The following KMO variants were observed in gnomAD, a reference collection of about 807,000 sequenced individuals.
The protein encoded by KMO is kynurenine 3-hydroxylase.
KMO carries 24 observed loss-of-function variants against 57.8 expected under a neutral mutation model. The ratio of observed to expected loss-of-function variants is 0.42; its 90% CI spans 0.30 to 0.58. The LOEUF (loss-of-function observed/expected upper bound fraction) is 0.58. Among genes scored for constraint, KMO ranks in the 20% least tolerant of loss-of-function variants. The probability of loss-of-function intolerance (pLI) is 0.22; values close to 1 mark genes in which losing one functional copy is unlikely to be tolerated. For missense variants in KMO, 483 were observed against 588.2 expected (o/e 0.82, Z 1.85); for synonymous variants, 210 against 193.6 (o/e 1.08, Z -0.70).
At chr1:241,588,197 G>C (rs1396761673) in intron 11 of KMO, among the ~76,000 whole-genome samples, 1 of 149,146 alleles carries the variant, frequency 6.7e-6, no homozygotes, top group Non-Finnish European at 1.5e-5. Context: ...GTTTTAAAAA[G>C]AAAAAAAAAG....
intron 10 of KMO, among the ~76,000 whole-genome samples, chr1:241,574,340 T>A (rs1308184750): frequency 6.6e-6 from 1 of 152,126 alleles, no homozygotes; most frequent in Non-Finnish European, 1.5e-5. Flanking sequence ...CATCCTTGCC[T>A]TGTTTCAGTT....
chr1:241,568,878 CT>C (rs1388622245), intron 10 of KMO, among the ~76,000 whole-genome samples: 1 of 152,062 alleles, frequency 6.6e-6, no homozygotes, highest in Non-Finnish European at 1.5e-5. Context: ...GCACTCATCC[CT>C]TGGTATCACC....
In KMO at chr1:241,550,998, CTCTT is replaced by C; in HGVS notation, c.269_272del (p.Leu90GlnfsTer19). 6.4e-7 allele frequency: 1 copy of C among 1,564,650 alleles called. No homozygotes were observed. The highest frequency in any genetic ancestry group is 8.6e-7 in the Non-Finnish European group (1 of 1,159,822). ...CCCATGAGAGCAAGAATGATCCACT[CTCTT>C]TCAGGAAAAAAGTCTGCAATTCCCT... is the stretch of plus-strand genomic sequence containing the variant. On this transcript the variant is annotated frameshift_variant, in exon 4 of 15. Transcript: ENST00000366559. LOFTEE classifies it high-confidence loss of function.
chr1:241,533,044 T>C (rs1403125590), intron 1 of KMO, among the ~76,000 whole-genome samples: 2 of 152,220 alleles, frequency 1.3e-5, no homozygotes, highest in Non-Finnish European at 2.9e-5. Context: ...GTGGAGCACC[T>C]AAGACAGTGG....
intron 8 of KMO, among the ~76,000 whole-genome samples, chr1:241,565,639 G>T: frequency 6.6e-6 from 1 of 151,340 alleles, no homozygotes; most frequent in East Asian, 1.9e-4. Flanking sequence ...TGGGAGGATT[G>T]CTTGAGCCCC....
chr1:241,568,760 C>T, intron 10 of KMO, 113 bp downstream of exon 10: 2 of 1,011,336 alleles, frequency 2.0e-6, no homozygotes, highest in East Asian at 5.3e-5. Context: ...CCTGAAAGCA[C>T]AATCAATTCA....
intron 11 of KMO, among the ~76,000 whole-genome samples, chr1:241,587,730 C>T (rs1663059988): frequency 6.6e-6 from 1 of 151,932 alleles, no homozygotes; most frequent in Admixed American, 6.6e-5. Context: ...AGGCGTGAGC[C>T]ACCATGCCCG....
Position 241,592,486 on chromosome 1 carries a change from C to T in KMO, c.*333C>T. On this transcript the variant is annotated 3_prime_UTR_variant, in exon 15 of 15. Transcript: ENST00000366559. ...AATCATGCCTTTTCTTTAAAAGACA[C>T]AATAGGACTCGCAACAGCATTGACT... The T allele has an allele frequency of 3.4e-6, 1 of 292,548 alleles. No individual in the cohort carries two copies. The highest frequency in any genetic ancestry group is 9.0e-5 in the East Asian group (1 of 11,158). 18.1% of individuals were successfully genotyped at this position (292,548 alleles called of 1,614,324 possible).
chr1:241,548,709 T>C (rs1414600947), intron 1 of KMO, 120 bp from the exon 2 acceptor site: 1 of 546,768 alleles, frequency 1.8e-6, no homozygotes, highest in East Asian at 3.2e-5. Flanking sequence ...GCTGGTAAAA[T>C]ATGACCACAC....
chr1:241,542,661 T>C (rs1434186213), intron 1 of KMO, among the ~76,000 whole-genome samples: 1 of 152,248 alleles, frequency 6.6e-6, no homozygotes, highest in Non-Finnish European at 1.5e-5. Flanking sequence ...AATAGTTTTG[T>C]TTCTCCCAGC....
intron 8 of KMO, 63 bp downstream of exon 8, chr1:241,565,121 C>T (rs932700663): frequency 1.1e-6 from 1 of 938,096 alleles, no homozygotes; most frequent in Non-Finnish European, 1.8e-6. Context: ...TTATTACTTA[C>T]ATTTGTACTT....
chr1:241,591,425 C>CAA (rs35070185), intron 14 of KMO, among the ~76,000 whole-genome samples: 21,649 of 140,026 alleles, frequency 0.15, 2,269 homozygotes, highest in African/African-American at 0.28. Context: ...ATTTCTCTGT[C>CAA]AAAAAAAAAA....
chr1:241,559,457 G>T (rs199719773), intron 5 of KMO, among the ~76,000 whole-genome samples: 1 of 140,086 alleles, frequency 7.1e-6, no homozygotes, highest in Admixed American at 7.1e-5. Flanking sequence ...TTTTTTAAAA[G>T]TTTTTTTCAC....
chr1:241,585,230 A>AAATT (rs10681797), intron 10 of KMO, among the ~76,000 whole-genome samples: 149,214 of 151,122 alleles, frequency 0.99, 73,673 homozygotes, highest in Middle Eastern at 1. Context: ...CTGCATTTCA[A>AAATT]AATTAATTAA....
At position 241,592,755 on chromosome 1, in the gene KMO, C is replaced by CTATCTATCT. The variant is rs1553352691; in HGVS notation, c.*602_*603insTATCTATCT. 19 of 137,476 alleles carry CTATCTATCT rather than the reference C, an allele frequency of 1.4e-4. No homozygotes were observed. Among genetic ancestry groups the CTATCTATCT allele is most frequent in the African/African-American group, 4.4e-4 (17 of 38,688 alleles). The allele number at this position is 137,476 out of a possible 1,614,324, so 8.5% of individuals were successfully genotyped here. A position where few individuals can be genotyped will look rare whatever the true frequency, so the allele number is the denominator to read the frequency against. On this transcript the variant is annotated 3_prime_UTR_variant, in exon 15 of 15. Transcript: ENST00000366559. ...ATCTATCATCTATCTATCTATCTAT[C>CTATCTATCT]ATCTATCTATCTATCTATCTATCTA...
chr1:241,581,213 T>G (rs1043092086), intron 10 of KMO, among the ~76,000 whole-genome samples: 1 of 152,148 alleles, frequency 6.6e-6, no homozygotes, highest in African/African-American at 2.4e-5. Context: ...AGTCGATGTG[T>G]GTCTTTATAG....
At chr1:241,532,522 T>C (rs1208178356) in intron 1 of KMO, 24 bp downstream of exon 1, 2 of 1,556,738 alleles carry the variant, frequency 1.3e-6, no homozygotes, top group Non-Finnish European at 1.8e-6. Flanking sequence ...GATGGATTAC[T>C]ATTGTTGGTG....
rs1661220804 is a variant in KMO at position 241,548,139 on chromosome 1, A to T, written c.55-690A>T. 3.4e-5 allele frequency among the ~76,000 whole-genome samples: 5 copies of T among 148,732 alleles called. No homozygotes were observed. In the South Asian group the frequency reaches 1.1e-3, roughly 32 times the overall value. ...GATTCTAACTATAGGGTTTTAAAAA[A>T]TGGGTAAATGGCGGGGCACAGTGGC... is the stretch of plus-strand genomic sequence containing the variant. On this transcript the variant is annotated intron_variant, in intron 1 of 14. Transcript: ENST00000366559.
chr1:241,572,654 T>C (rs998738815), intron 10 of KMO, among the ~76,000 whole-genome samples: 15 of 152,114 alleles, frequency 9.9e-5, no homozygotes, highest in African/African-American at 3.4e-4. Flanking sequence ...GTATATATTT[T>C]ATTTCAATAG....
Sources: gnomAD v4.1 joint callset for allele counts (sites outside exome capture counted in the v4.1 genomes callset) on GRCh38, gnomAD v4.1.1 for gene constraint, MANE v1.5 for transcripts, NCBI Gene and HGNC (gene_info 2026-07-23, HGNC 2026-07-21) for gene names.